PDCD6: variants seen among roughly 807,000 people sequenced by gnomAD.
PDCD6 encodes programmed cell death 6.
In PDCD6, 12 loss-of-function variants were observed where a neutral mutation model predicts 28.3. The ratio of observed to expected loss-of-function variants is 0.42; its 90% CI spans 0.27 to 0.69. PDCD6 has a LOEUF of 0.69. Ranked by LOEUF, PDCD6 falls within the 30% of genes least tolerant of loss-of-function variation. The probability of loss-of-function intolerance (pLI) is 0.22; values close to 1 mark genes in which losing one functional copy is unlikely to be tolerated. For missense variants in PDCD6, 226 were observed against 269.9 expected (o/e 0.84, Z 1.14); for synonymous variants, 92 against 108.0 (o/e 0.85, Z 0.92).
At chr5:288,816 C>T (rs962944986) in intron 2 of PDCD6, 132 of 1,288,440 alleles carry the variant, frequency 1.0e-4, no homozygotes, top group Non-Finnish European at 1.3e-4. Context: ...AATACTGCAT[C>T]TAAATGTTTC....
intron 4 of PDCD6, chr5:310,416 T>G (rs879094965): frequency 6.6e-6 from 1 of 152,424 alleles, no homozygotes; most frequent in African/African-American, 2.4e-5. Context: ...GGTGCACACG[T>G]CCCTGCAGAG....
intron 2 of PDCD6, among the ~76,000 whole-genome samples, chr5:288,275 T>A (rs1339327395): frequency 1.4e-5 from 2 of 138,468 alleles, no homozygotes; most frequent in African/African-American, 2.7e-5. Flanking sequence ...ATTTCCCCCC[T>A]TAAAATAATA....
chr5:276,018 G>C, intron 2 of PDCD6: 1 of 1,282,700 alleles, frequency 7.8e-7, no homozygotes, highest in Non-Finnish European at 1.0e-6. Flanking sequence ...GTAGGATGAA[G>C]CCCCACCCGC....
At chr5:275,792 C>T (rs1442231863) in intron 2 of PDCD6, among the ~76,000 whole-genome samples, 14 of 152,180 alleles carry the variant, frequency 9.2e-5, no homozygotes, top group Non-Finnish European at 1.5e-4. Context: ...TGCAGGGCTG[C>T]GATTTGAAGC....
chr5:290,725 C>A (rs544570995), intron 2 of PDCD6, among the ~76,000 whole-genome samples: 4 of 152,254 alleles, frequency 2.6e-5, no homozygotes, highest in Non-Finnish European at 5.9e-5. Context: ...CCTGGTGATG[C>A]AGCAGGTGTC....
At chr5:299,706 T>G (rs188679540) in intron 2 of PDCD6, among the ~76,000 whole-genome samples, 1 of 152,088 alleles carries the variant, frequency 6.6e-6, no homozygotes. Flanking sequence ...CACGCCGCCA[T>G]GCCTGGCTAA....
At chr5:281,574 T>C (rs1738564021) in intron 2 of PDCD6, among the ~76,000 whole-genome samples, 2 of 151,950 alleles carry the variant, frequency 1.3e-5, no homozygotes. Context: ...GAGGAGCTGA[T>C]GTTATTTTAA....
At position 272,071 on chromosome 5, in the gene PDCD6, C is replaced by T. The variant is rs536444073; in HGVS notation, c.101+250C>T. ...CGTCCGCTGCCCGGTCTCCTGGGGC[C>T]GCCCCTGCCTCCTGCCCGGTCCCTG... On this transcript the variant is annotated intron_variant, in intron 1 of 5. Transcript: ENST00000264933. Among the ~76,000 whole-genome samples the T allele has an allele frequency of 1.7e-4, 25 of 151,040 alleles. No homozygotes were observed. The East Asian group carries it at 4.9e-3, about 29-fold the overall frequency.
At chr5:287,335 A>T (rs1163213945) in intron 2 of PDCD6, among the ~76,000 whole-genome samples, 3 of 152,026 alleles carry the variant, frequency 2.0e-5, no homozygotes, top group Admixed American at 6.5e-5. Flanking sequence ...GTAGAGAGAG[A>T]GAGTTTCAGG....
intron 2 of PDCD6, among the ~76,000 whole-genome samples, chr5:300,109 C>T (rs1028135662): frequency 2.0e-5 from 3 of 152,202 alleles, no homozygotes; most frequent in Non-Finnish European, 2.9e-5. Flanking sequence ...AAACCCTGCA[C>T]GTTCCCAGGA....
In PDCD6 at chr5:271,755, C is replaced by T. The variant is rs1166402083; in HGVS notation, c.35C>T (p.Ala12Val). ...AAYSYRPGPG[A>V]GPGPAAGAAL... ...TACTCTTACCGCCCCGGCCCTGGGG[C>T]CGGCCCTGGGCCTGCTGCAGGCGCG... The change falls in exon 1 of 6, where the codon GCC (alanine) becomes GTC (valine). Residue 12 changes from alanine to valine, a missense_variant. By Grantham distance (64) the Ala-to-Val change is moderately conservative. Transcript: ENST00000264933. 3 of 1,496,440 alleles carry T rather than the reference C, an allele frequency of 2.0e-6. No individual in the cohort carries two copies. Among genetic ancestry groups the T allele is most frequent in the Admixed American group, 2.2e-5 (1 of 44,972 alleles). 92.7% of individuals were successfully genotyped at this position (1,496,440 alleles called of 1,614,324 possible). A position where few individuals can be genotyped will look rare whatever the true frequency, so the allele number is the denominator to read the frequency against.
chr5:293,134 G>A (rs186662514), intron 2 of PDCD6, among the ~76,000 whole-genome samples: 1 of 152,300 alleles, frequency 6.6e-6, no homozygotes, highest in East Asian at 1.9e-4. Flanking sequence ...CAACATCACA[G>A]TCCCGACTTT....
chr5:296,970 C>T (rs1360696106), intron 2 of PDCD6, among the ~76,000 whole-genome samples: 8 of 152,300 alleles, frequency 5.3e-5, no homozygotes, highest in African/African-American at 1.7e-4. Flanking sequence ...TGGTGCCCGA[C>T]CCCCCACGCA....
intron 2 of PDCD6, among the ~76,000 whole-genome samples, chr5:281,339 A>G (rs1364621050): frequency 6.6e-6 from 1 of 152,126 alleles, no homozygotes; most frequent in African/African-American, 2.4e-5. Flanking sequence ...TCAAATCTGA[A>G]GGTGGTGGAG....
intron 2 of PDCD6, among the ~76,000 whole-genome samples, chr5:302,474 G>A (rs1318491225): frequency 1.6e-4 from 16 of 102,606 alleles, no homozygotes; most frequent in East Asian, 9.7e-4. Flanking sequence ...TGGAGGGCGG[G>A]TCATGGAGTG....
chr5:294,393 A>G (rs915468538), intron 2 of PDCD6, among the ~76,000 whole-genome samples: 1 of 152,074 alleles, frequency 6.6e-6, no homozygotes, highest in African/African-American at 2.4e-5. Flanking sequence ...GAGGGCAGAT[A>G]TTGGAACAGA....
intron 2 of PDCD6, among the ~76,000 whole-genome samples, chr5:287,422 G>A (rs902682796): frequency 4.7e-5 from 7 of 147,724 alleles, no homozygotes; most frequent in African/African-American, 1.7e-4. Context: ...CGGGATCAAT[G>A]CATTCCTTTT....
rs773568152 is a variant in PDCD6, at chr5:271,664, G to T, written c.-57G>T. 5 of 1,006,376 alleles carry T rather than the reference G, an allele frequency of 5.0e-6. No individual in the cohort carries two copies. In the South Asian group the frequency reaches 6.8e-5, roughly 14 times the overall value. 62.3% of individuals were successfully genotyped at this position (1,006,376 alleles called of 1,614,324 possible). On this transcript the variant is annotated 5_prime_UTR_variant, in exon 1 of 6. Transcript: ENST00000264933. ...CCCCGGCAGAGGCGGAAGCGGAGTC[G>T]GCCTGAGAGGTCTCTCGTCGCTGCA...
At chr5:274,339 A>T (rs1411591538) in intron 2 of PDCD6, among the ~76,000 whole-genome samples, 2 of 152,348 alleles carry the variant, frequency 1.3e-5, no homozygotes, top group Admixed American at 1.3e-4. Context: ...AAACTTGCTC[A>T]AATAGGAGTG....
Sources: gnomAD v4.1 joint callset for allele counts (sites outside exome capture counted in the v4.1 genomes callset) on GRCh38, gnomAD v4.1.1 for gene constraint, MANE v1.5 for transcripts, NCBI Gene and HGNC (gene_info 2026-07-23, HGNC 2026-07-21) for gene names.